The following SBF2 variants were observed in gnomAD, a reference collection of about 807,000 sequenced individuals.
SBF2 encodes myotubularin-related protein 13.
In SBF2, 112 loss-of-function variants were observed where a neutral mutation model predicts 225.2. The ratio of observed to expected loss-of-function variants is 0.50; its 90% CI spans 0.43 to 0.58. SBF2 has a LOEUF of 0.58. Among genes scored for constraint, SBF2 ranks in the 20% least tolerant of loss-of-function variants. SBF2 has a pLI of 0.00. For missense variants in SBF2, 1,996 were observed against 2,206.2 expected (o/e 0.90, Z 1.91); for synonymous variants, 763 against 773.3 (o/e 0.99, Z 0.22).
intron 29 of SBF2, 116 bp from the exon 30 acceptor site, chr11:9,812,824 C>T: frequency 9.9e-7 from 1 of 1,009,842 alleles, no homozygotes; most frequent in South Asian, 1.4e-5. Flanking sequence ...GCTGCAGAGG[C>T]TGCCAATGGG....
chr11:10,244,446 G>C (rs1349234477), intron 1 of SBF2, among the ~76,000 whole-genome samples: 1 of 152,168 alleles, frequency 6.6e-6, no homozygotes, highest in African/African-American at 2.4e-5. Context: ...TTTGTTTCTA[G>C]GTACTCTATT....
At chr11:10,234,688 T>G (rs10500723) in intron 1 of SBF2, among the ~76,000 whole-genome samples, 11,180 of 152,274 alleles carry the variant, frequency 0.073, 595 homozygotes, top group East Asian at 0.29. Context: ...TTATTCGGAT[T>G]TAAATTCTCT....
intron 16 of SBF2, chr11:9,960,577 T>C (rs1011656861): frequency 2.0e-5 from 3 of 152,180 alleles, no homozygotes; most frequent in African/African-American, 4.8e-5. Context: ...TTTCCATATA[T>C]GTGTGCATTT....
intron 13 of SBF2, among the ~76,000 whole-genome samples, chr11:9,971,546 G>C (rs561188894): frequency 2.0e-5 from 3 of 152,132 alleles, no homozygotes; most frequent in South Asian, 4.1e-4. Context: ...AGGCATGGTG[G>C]TGCCTGCCCA....
chr11:9,943,932 T>TG (rs1865424583), intron 16 of SBF2, among the ~76,000 whole-genome samples: 1 of 152,226 alleles, frequency 6.6e-6, no homozygotes. Flanking sequence ...CTATTAGGAA[T>TG]GGTCATTACA....
rs143950103 is a variant in SBF2, at chr11:10,027,553, G to A, written c.619+899C>T. Among the ~76,000 whole-genome samples the A allele has an allele frequency of 1.2e-4, 19 of 152,250 alleles. 1 individual carries two copies. The highest frequency in any genetic ancestry group is 4.1e-4 in the African/African-American group (17 of 41,548). ...GGCAGGGTATGGACCTTAGGGAAGG[G>A]AAGATTTCAGCATAACTAGGAAAAG... On this transcript the variant is annotated intron_variant, in intron 6 of 39. Coordinates refer to ENST00000256190, the MANE Select transcript of SBF2 (RefSeq NM_030962.4).
chr11:10,293,873 G>T, intron 1 of SBF2, 142 bp downstream of exon 1: 1 of 519,510 alleles, frequency 1.9e-6, no homozygotes, highest in East Asian at 3.9e-5. Context: ...CAGCCGAGAA[G>T]GCCGGACGCC....
intron 16 of SBF2, chr11:9,959,242 T>C: frequency 3.9e-6 from 3 of 776,654 alleles, no homozygotes; most frequent in Non-Finnish European, 4.8e-6. Flanking sequence ...CCCTGCAATC[T>C]TGACTCCAGA....
chr11:10,179,526 C>T (rs888167895), intron 2 of SBF2, among the ~76,000 whole-genome samples: 1 of 152,046 alleles, frequency 6.6e-6, no homozygotes. Context: ...CTATAGATAT[C>T]TATTAGGTAC....
chr11:9,808,714 C>A (rs537714986), intron 31 of SBF2, 187 bp downstream of exon 31: 1 of 520,860 alleles, frequency 1.9e-6, no homozygotes, highest in East Asian at 3.6e-5. Flanking sequence ...GCCAGAGCTC[C>A]AGGCTGCGTA....
chr11:10,099,800 A>C (rs567217186), intron 2 of SBF2, among the ~76,000 whole-genome samples: 1 of 152,258 alleles, frequency 6.6e-6, no homozygotes, highest in South Asian at 2.1e-4. Flanking sequence ...AAAATGTTTG[A>C]TATGTCTTAT....
intron 1 of SBF2, among the ~76,000 whole-genome samples, chr11:10,277,714 G>A (rs1416120977): frequency 2.6e-5 from 4 of 152,124 alleles, no homozygotes; most frequent in African/African-American, 7.2e-5. Flanking sequence ...AAGAAAGGGA[G>A]ATTTGGACAC....
intron 2 of SBF2, among the ~76,000 whole-genome samples, chr11:10,151,149 A>G (rs991051301): frequency 8.5e-5 from 13 of 152,226 alleles, no homozygotes; most frequent in African/African-American, 2.9e-4. Flanking sequence ...TCAGGGACGC[A>G]ATAACATTTG....
chr11:9,894,663 AAC>A (rs1378077894), intron 17 of SBF2, among the ~76,000 whole-genome samples: 1 of 152,070 alleles, frequency 6.6e-6, no homozygotes, highest in Non-Finnish European at 1.5e-5. Context: ...CAGCCTGGGC[AAC>A]AGAGTGAAAC....
chr11:10,053,864 G>A (rs1950152986), intron 2 of SBF2, among the ~76,000 whole-genome samples: 1 of 151,820 alleles, frequency 6.6e-6, no homozygotes, highest in Admixed American at 6.6e-5. Flanking sequence ...AGGGTGCAGA[G>A]AGCTGTGATC....
intron 1 of SBF2, among the ~76,000 whole-genome samples, chr11:10,230,702 C>A (rs537870356): frequency 6.6e-6 from 1 of 152,132 alleles, no homozygotes; most frequent in Admixed American, 6.5e-5. Flanking sequence ...ATGGGCTTCC[C>A]TTTGTGGGTA....
chr11:9,799,474 C>G (rs1410371466), intron 32 of SBF2, among the ~76,000 whole-genome samples: 1 of 152,216 alleles, frequency 6.6e-6, no homozygotes, highest in Non-Finnish European at 1.5e-5. Flanking sequence ...GGTTAACGAT[C>G]AGGTCTACTG....
At position 10,212,767 on chromosome 11, in the gene SBF2, C is replaced by T. The variant is rs182947101; in HGVS notation, c.56-18780G>A. ...AGTCTGATGGTTAAGTTCTGTTACT[C>T]GCGGCAGGGCGCGCTGGCTCACGCC... is the stretch of plus-strand genomic sequence containing the variant. On this transcript the variant is annotated intron_variant, in intron 1 of 39. Transcript: ENST00000256190. Among the ~76,000 whole-genome samples the T allele has an allele frequency of 1.3e-4, 20 of 152,302 alleles. No homozygotes were observed. The East Asian group carries it at 3.3e-3, about 25-fold the overall frequency.
At chr11:10,104,195 T>A (rs1426122034) in intron 2 of SBF2, among the ~76,000 whole-genome samples, 1 of 152,192 alleles carries the variant, frequency 6.6e-6, no homozygotes, top group Non-Finnish European at 1.5e-5. Flanking sequence ...GAGAAGATAC[T>A]TTGTATGGTA....
Sources: gnomAD v4.1 joint callset for allele counts (sites outside exome capture counted in the v4.1 genomes callset) on GRCh38, gnomAD v4.1.1 for gene constraint, MANE v1.5 for transcripts, NCBI Gene and HGNC (gene_info 2026-07-23, HGNC 2026-07-21) for gene names.